The following LTK variants were observed in gnomAD, a reference collection of about 807,000 sequenced individuals.
The protein encoded by LTK is leukocyte tyrosine kinase receptor.
LTK carries 117 observed loss-of-function variants against 101.5 expected under a neutral mutation model. The ratio of observed to expected loss-of-function variants is 1.15; its 90% CI spans 0.99 to 1.34. LTK has a LOEUF of 1.34. Ranked by LOEUF, LTK falls within the 40% of genes most tolerant of loss-of-function variation. The pLI is 0.00. For synonymous variants in LTK, 563 were observed against 494.2 expected, an observed-to-expected ratio of 1.14 and a Z score of -1.85; for missense variants, 1,252 against 1,164.7, an observed-to-expected ratio of 1.07 and a Z score of -1.09.
rs2051570651 is a variant in LTK, at chr15:41,513,678, A to T, written c.32T>A (p.Phe11Tyr). The stretch of plus-strand genomic sequence containing the variant: ...CAGATAGCACTTACCCGCGGCTCCG[A>T]ACCACACCAGCAGCTGTCCCCAGCA... MGCWGQLLVWFGAAGAILCSS... is the reference protein window; with the variant it reads MGCWGQLLVWYGAAGAILCSS... Residue 11 changes from phenylalanine to tyrosine, a missense_variant, in exon 1 of 20, where the codon TTC becomes TAC. Transcript: ENST00000263800. The T allele has an allele frequency of 6.2e-7, 1 of 1,612,590 alleles. No homozygotes were observed. The highest frequency in any genetic ancestry group is 8.5e-7 in the Non-Finnish European group (1 of 1,179,564).
In LTK at chr15:41,507,233, T is replaced by C. The variant is rs1236670973; in HGVS notation, c.1403A>G (p.Glu468Gly). 6.2e-7 allele frequency: 1 copy of C among 1,612,098 alleles called. No individual in the cohort carries two copies. The highest frequency in any genetic ancestry group is 8.5e-7 in the Non-Finnish European group (1 of 1,179,512). Reference sequence around the variant, plus strand: ...GGCAGAGGTTCGAAGCTTGCTCAGCTCAAGCTCAGGGCTCGGCAGCCTCAT... The same window carrying C: ...GGCAGAGGTTCGAAGCTTGCTCAGCCCAAGCTCAGGGCTCGGCAGCCTCAT... ...QEMRLPSPELELSKLRTSAIR... is the reference protein window; with the variant it reads ...QEMRLPSPELGLSKLRTSAIR... Residue 468 changes from glutamate (E) to glycine (G), a missense_variant, in exon 11 of 20, where the codon GAG becomes GGG. By Grantham distance (98) the Glu-to-Gly change is moderately conservative (BLOSUM62 -2). Transcript: ENST00000263800.
At position 41,511,690 on chromosome 15, in the gene LTK, C is replaced by A; in HGVS notation, c.658-112G>T. ...TGGATAAGGGCAGGGGCCCCCAGCC[C>A]AGCCCAGGCCAGCCCAGCCCAGCGC... is the stretch of plus-strand genomic sequence containing the variant. On this transcript the variant is annotated intron_variant, in intron 5 of 19. Coordinates refer to ENST00000263800, the MANE Select transcript of LTK (RefSeq NM_002344.6). The surrounding 1 kb of genome is among the most constrained non-coding windows in gnomAD (Gnocchi z 5.9). The A allele has an allele frequency of 1.4e-6, 2 of 1,395,584 alleles. No homozygotes were observed. The highest frequency in any genetic ancestry group is 1.9e-6 in the Non-Finnish European group (2 of 1,076,428). 86.5% of individuals were successfully genotyped at this position (1,395,584 alleles called of 1,614,324 possible).
chr15:41,504,817 TG>T lies in LTK; in HGVS notation c.2075del (p.Pro692GlnfsTer65), dbSNP rs1292224855. The T allele has an allele frequency of 5.0e-6, 8 of 1,613,212 alleles. No homozygotes were observed. In the African/African-American group the frequency reaches 1.1e-4, roughly 22 times the overall value. On this transcript the variant is annotated frameshift_variant, in exon 17 of 20. Coordinates refer to ENST00000263800, the MANE Select transcript of LTK (RefSeq NM_002344.6). LOFTEE classifies it high-confidence loss of function. ...TGAAGATGCCCTCCAGGAAGGCCTC[TG>T]GGGGCATCCACTTGACTGGGAGCAA... Reference protein sequence around the residue: ...RALLPVKWMPPEAFLEGIFTS... With the variant: ...RALLPVKWMPXEAFLEGIFTS...
Position 41,508,216 on chromosome 15 carries a change from C to A in LTK, c.1102G>T (p.Glu368Ter). The A allele has an allele frequency of 6.2e-7, 1 of 1,609,696 alleles. No individual in the cohort carries two copies. ...CGGATCTCTACCTCTCCGTGGTTCT[C>A]GGTGACTGTGAGTAAAAGAACTGAT... ...ELFLQPLAVT[E>*]NHGEVEIRRH... is the part of the protein sequence containing the mutation. The change falls in exon 9 of 20, where the codon GAG (glutamate) becomes TAG (stop). Residue 368 changes from glutamate (E) to a stop codon, truncating the protein, a stop_gained. Transcript: ENST00000263800. LOFTEE classifies it high-confidence loss of function.
At position 41,505,204 on chromosome 15, in the gene LTK, T is replaced by C. The variant is rs1440130938; in HGVS notation, c.1925+4A>G. On this transcript the variant is annotated splice_donor_region_variant and intron_variant, in intron 15 of 19. Coordinates refer to ENST00000263800, the MANE Select transcript of LTK (RefSeq NM_002344.6). ...GGGTCCCCTGAGCCAGGACTGCTCC[T>C]AACCTGTGGATGAAGTGATTTTCCT... 1.2e-6 allele frequency: 2 copies of C among 1,613,910 alleles called. No individual in the cohort carries two copies. Among genetic ancestry groups the C allele is most frequent in the Non-Finnish European group, 1.7e-6 (2 of 1,179,878 alleles).
chr15:41,505,943 TC>T lies in LTK; in HGVS notation c.1603del (p.Asp535ThrfsTer7). On this transcript the variant is annotated frameshift_variant, in exon 12 of 20. Coordinates refer to ENST00000263800, the MANE Select transcript of LTK (RefSeq NM_002344.6). LOFTEE classifies it high-confidence loss of function. Reference sequence around the variant, plus strand: ...GATAGCTACCTGCAGGGGACTGGAGTCCCCAGGAAGGCCAATTACCAGTCCC... The same window carrying T: ...GATAGCTACCTGCAGGGGACTGGAGTCCCAGGAAGGCCAATTACCAGTCCC... The part of the protein sequence containing the change: ...YEGLVIGLPG[D>X]SSPLQVAIKT... The T allele has an allele frequency of 6.2e-7, 1 of 1,613,678 alleles. No individual in the cohort carries two copies. The highest frequency in any genetic ancestry group is 2.2e-5 in the East Asian group (1 of 44,870).
At position 41,503,694 on chromosome 15, in the gene LTK, A is replaced by C; in HGVS notation, c.*302T>G. 1.6e-6 allele frequency: 1 copy of C among 636,936 alleles called. No individual in the cohort carries two copies. Among genetic ancestry groups the C allele is most frequent in the Non-Finnish European group, 2.9e-6 (1 of 339,220 alleles). 39.5% of individuals were successfully genotyped at this position (636,936 alleles called of 1,614,324 possible). ...TCTGCAGGGTGGGGGGTCTGCCCAG[A>C]TGAAGGATGCTCATAATGGGAGAGC... On this transcript the variant is annotated 3_prime_UTR_variant, in exon 20 of 20. Transcript: ENST00000263800.
chr15:41,512,947 C>A (rs751756068), intron 2 of LTK, 30 bp downstream of exon 2: 1 of 1,612,648 alleles, frequency 6.2e-7, no homozygotes, highest in Admixed American at 1.7e-5. Flanking sequence ...GTATGGTGAG[C>A]GAAAGAGGAA....
At chr15:41,507,860 C>T (rs1328166613) in intron 9 of LTK, among the ~76,000 whole-genome samples, 2 of 152,202 alleles carry the variant, frequency 1.3e-5, no homozygotes, top group Non-Finnish European at 2.9e-5. Flanking sequence ...TTGAGATATA[C>T]ATTTACATAG....
Position 41,511,298 on chromosome 15 carries a change from C to T in LTK, c.863G>A (p.Arg288His), listed in dbSNP as rs1156448342. The stretch of plus-strand genomic sequence containing the variant: ...GCCCTCCGCCCCCTCCTGCAGTGAG[C>T]GGCCGGCCTGCGGAGAGGGAGCCCG... ...TSRAPSPQAG[R>H]SLQEGAEGGQ... The change falls in exon 7 of 20, where the codon CGC (arginine) becomes CAC (histidine). Residue 288 changes from arginine to histidine, a missense_variant. Arg to His is a conservative substitution (Grantham distance 29). Transcript: ENST00000263800. This position sits in a 1 kb window ranked among gnomAD's most constrained non-coding sequence, Gnocchi z 5.9. The T allele has an allele frequency of 1.4e-6, 2 of 1,382,738 alleles. No homozygotes were observed. The highest frequency in any genetic ancestry group is 1.9e-6 in the Non-Finnish European group (2 of 1,075,318). The allele number at this position is 1,382,738 out of a possible 1,614,324, so 85.7% of individuals were successfully genotyped here.
chr15:41,503,824 G>C lies in LTK; in HGVS notation c.*172C>G. Reference sequence around the variant, plus strand: ...GCCCTTCCCTGGGAGGCCTGGGCTGGTTTCCAGCATGGCAAGTGCAGCGCT... The same window carrying C: ...GCCCTTCCCTGGGAGGCCTGGGCTGCTTTCCAGCATGGCAAGTGCAGCGCT... On this transcript the variant is annotated 3_prime_UTR_variant, in exon 20 of 20. Transcript: ENST00000263800. 2 of 812,404 alleles carry C rather than the reference G, an allele frequency of 2.5e-6. No homozygotes were observed. Among genetic ancestry groups the C allele is most frequent in the Non-Finnish European group, 3.8e-6 (2 of 529,030 alleles). 50.3% of individuals were successfully genotyped at this position (812,404 alleles called of 1,614,324 possible).
In LTK at chr15:41,505,084, A is replaced by T. The variant is rs780759102; in HGVS notation, c.1926-20T>A. On this transcript the variant is annotated intron_variant, in intron 15 of 19. Coordinates refer to ENST00000263800, the MANE Select transcript of LTK (RefSeq NM_002344.6). Reference sequence around the variant, plus strand: ...ATATCCCTACAGAGTAGGCAAAAAAAATCACTGCCAGAATCTAGAAGTTCT... The same window carrying T: ...ATATCCCTACAGAGTAGGCAAAAAATATCACTGCCAGAATCTAGAAGTTCT... The T allele has an allele frequency of 2.5e-6, 4 of 1,601,448 alleles. No homozygotes were observed. The highest frequency in any genetic ancestry group is 3.4e-6 in the Non-Finnish European group (4 of 1,172,134).
chr15:41,506,553 C>T (rs1222525545), intron 11 of LTK, among the ~76,000 whole-genome samples: 1 of 151,912 alleles, frequency 6.6e-6, no homozygotes, highest in Non-Finnish European at 1.5e-5. Flanking sequence ...GATCCACCTG[C>T]CTTGGCCTCC....
chr15:41,503,972 C>CT lies in LTK; in HGVS notation c.*23dup. On this transcript the variant is annotated 3_prime_UTR_variant, in exon 20 of 20. Transcript: ENST00000263800. ...GGGAGGGACCCTCAGTGCCTCAGTC[C>CT]TTACCCTCAGGGCCCCTTGGGGCTC... is the stretch of plus-strand genomic sequence containing the variant. 1 of 1,572,704 alleles carries CT rather than the reference C, an allele frequency of 6.4e-7. No individual in the cohort carries two copies.
rs1329904573 is a variant in LTK, at chr15:41,504,753, G to GAGGGGA, written c.2120+14_2120+19dup. ...AGGGGAGGGGAACAGTGGGGAAGGGGAGGGGAAGGGTGTTATCACCAGGAA... is the reference window on the plus strand; with the variant it reads ...AGGGGAGGGGAACAGTGGGGAAGGGGAGGGGAAGGGGAAGGGTGTTATCACCAGGAA... On this transcript the variant is annotated intron_variant, in intron 17 of 19. Coordinates refer to ENST00000263800, the MANE Select transcript of LTK (RefSeq NM_002344.6). The GAGGGGA allele has an allele frequency of 2.5e-6, 4 of 1,603,690 alleles. No homozygotes were observed. The highest frequency in any genetic ancestry group is 2.6e-6 in the Non-Finnish European group (3 of 1,175,738).
chr15:41,507,489 C>T (rs1190330119), intron 10 of LTK, 73 bp downstream of exon 10: 1 of 1,574,102 alleles, frequency 6.4e-7, no homozygotes, highest in African/African-American at 1.4e-5. Flanking sequence ...GCCCCGGGAC[C>T]CCGCAGAAAC....
chr15:41,511,918 C>A lies in LTK; in HGVS notation c.556G>T (p.Val186Phe), dbSNP rs777397263. 3 of 1,460,482 alleles carry A rather than the reference C, an allele frequency of 2.1e-6. No homozygotes were observed. Among genetic ancestry groups the A allele is most frequent in the Non-Finnish European group, 2.7e-6 (3 of 1,115,308 alleles). 90.5% of individuals were successfully genotyped at this position (1,460,482 alleles called of 1,614,324 possible). ...CCATCCATCGCCGCGTGCTCTTCAACGGCTCGAGACTCCCCGAGGCAGACG... is the reference window on the plus strand; with the variant it reads ...CCATCCATCGCCGCGTGCTCTTCAAAGGCTCGAGACTCCCCGAGGCAGACG... ...QLVCLGESRA[V>F]EEHAAMDGSE... is the part of the protein sequence containing the mutation. The change falls in exon 5 of 20, where the codon GTT becomes TTT. Residue 186 changes from valine (V) to phenylalanine (F), a missense_variant. Coordinates refer to ENST00000263800, the MANE Select transcript of LTK (RefSeq NM_002344.6). This position sits in a 1 kb window ranked among gnomAD's most constrained non-coding sequence, Gnocchi z 5.9.
intron 7 of LTK, among the ~76,000 whole-genome samples, chr15:41,510,070 G>T (rs549375217): frequency 6.6e-6 from 1 of 151,476 alleles, no homozygotes; most frequent in Non-Finnish European, 1.5e-5. Flanking sequence ...GCAGTGGCAC[G>T]ATCTTGGCTC....
intron 8 of LTK, among the ~76,000 whole-genome samples, chr15:41,508,564 A>T (rs1200278448): frequency 6.9e-6 from 1 of 145,558 alleles, no homozygotes; most frequent in Admixed American, 6.9e-5. Context: ...CTCAAAAATA[A>T]AAATAAATAA....
Sources: gnomAD v4.1 joint callset for allele counts (sites outside exome capture counted in the v4.1 genomes callset) on GRCh38, gnomAD v4.1.1 for gene constraint, Gnocchi (gnomAD v3.1) non-coding constraint, MANE v1.5 for transcripts, NCBI Gene and HGNC (gene_info 2026-07-23, HGNC 2026-07-21) for gene names.